Variants in B3GNT2 observed in about 807,000 individuals in gnomAD.
B3GNT2 encodes the protein N-acetyllactosaminide beta-1,3-N-acetylglucosaminyltransferase 2.
A neutral mutation model predicts 27.6 loss-of-function variants in B3GNT2; 12 were observed. The observed-to-expected ratio is 0.44, with a 90% CI of 0.28 to 0.71. B3GNT2 has a LOEUF of 0.71. Among genes scored for constraint, B3GNT2 ranks in the 30% least tolerant of loss-of-function variants. The pLI, the probability that B3GNT2 is intolerant of heterozygous loss-of-function variation, is 0.17. For synonymous variants in B3GNT2, 192 were observed against 189.7 expected (o/e 1.01, Z -0.10); for missense variants, 413 against 488.5 (o/e 0.85, Z 1.46).
intron 1 of B3GNT2, among the ~76,000 whole-genome samples, chr2:62,204,813 C>CTCTT (rs1674340604): frequency 6.6e-6 from 1 of 151,894 alleles, no homozygotes; most frequent in South Asian, 2.1e-4. Flanking sequence ...CTTTTTTTAA[C>CTCTT]TCTTTATAAT....
At chr2:62,211,357 C>T (rs550471533) in intron 1 of B3GNT2, among the ~76,000 whole-genome samples, 1 of 151,996 alleles carries the variant, frequency 6.6e-6, no homozygotes, top group Non-Finnish European at 1.5e-5. Flanking sequence ...CCCTGTCCCC[C>T]CCGTCCCCCC....
Position 62,222,256 on chromosome 2 carries a change from T to G in B3GNT2, c.36T>G (p.Gly12=), listed in dbSNP as rs751845997. The change falls in exon 2 of 2, where the codon GGT becomes GGG. Residue 12 remains glycine, a synonymous_variant. Transcript: ENST00000301998. The surrounding 1 kb of genome is among the most constrained non-coding windows in gnomAD (Gnocchi z 4.2). ...SVGRRRIKLL[G]ILMMANVFIY... Reference sequence around the variant, plus strand: ...GACGTCGAAGAATAAAGTTGTTGGGTATCCTGATGATGGCAAATGTCTTCA... The same window carrying G: ...GACGTCGAAGAATAAAGTTGTTGGGGATCCTGATGATGGCAAATGTCTTCA... 1.9e-6 allele frequency: 3 copies of G among 1,611,298 alleles called. No individual in the cohort carries two copies. The highest frequency in any genetic ancestry group is 2.5e-6 in the Non-Finnish European group (3 of 1,179,086).
chr2:62,212,297 C>T (rs1319119092), intron 1 of B3GNT2, among the ~76,000 whole-genome samples: 1 of 152,122 alleles, frequency 6.6e-6, no homozygotes, highest in African/African-American at 2.4e-5. Context: ...GCTCTGGCAT[C>T]GGTGGTACCA....
Position 62,223,620 on chromosome 2 carries a change from C to CA in B3GNT2, c.*207dup, listed in dbSNP as rs1674767889. 1.8e-6 allele frequency: 1 copy of CA among 542,594 alleles called. No homozygotes were observed. The highest frequency in any genetic ancestry group is 3.3e-6 in the Non-Finnish European group (1 of 299,616). 33.6% of individuals were successfully genotyped at this position (542,594 alleles called of 1,614,324 possible). Reference sequence around the variant, plus strand: ...TAATTTTTTTTTATGGATGATATGGCAGGATGATTGGTTCTGATCTTACCG... The same window carrying CA: ...TAATTTTTTTTTATGGATGATATGGCAAGGATGATTGGTTCTGATCTTACCG... On this transcript the variant is annotated 3_prime_UTR_variant, in exon 2 of 2. Transcript: ENST00000301998.
At position 62,223,252 on chromosome 2, in the gene B3GNT2, C is replaced by A; in HGVS notation, c.1032C>A (p.Gly344=). Residue 344 remains glycine (G), a synonymous_variant, in exon 2 of 2, where the codon GGC becomes GGA. Transcript: ENST00000301998. ...CTGGAATGTGCCTTCAGAAACTCGG[C>A]CTCGTTCCAGAGAAACACAAAGGCT... ...VYTGMCLQKL[G]LVPEKHKGFR... 1.2e-6 allele frequency: 2 copies of A among 1,614,140 alleles called. No homozygotes were observed. The highest frequency in any genetic ancestry group is 2.2e-5 in the South Asian group (2 of 91,074).
Position 62,222,836 on chromosome 2 carries a change from C to T in B3GNT2, c.616C>T (p.Gln206Ter). The T allele has an allele frequency of 6.2e-7, 1 of 1,614,144 alleles. No individual in the cohort carries two copies. Among genetic ancestry groups the T allele is most frequent in the Non-Finnish European group, 8.5e-7 (1 of 1,180,038 alleles). ...GCTGAAATTTGAGAGTGAGAAGCAC[C>T]AAGACATTCTTATGTGGAACTACAG... ...DMLKFESEKHQDILMWNYRDT... is the reference protein window; with the variant it reads ...DMLKFESEKH The change falls in exon 2 of 2, where the codon CAA becomes TAA. Residue 206 changes from glutamine to a stop codon, truncating the protein, a stop_gained. Coordinates refer to ENST00000301998, the MANE Select transcript of B3GNT2 (RefSeq NM_006577.6). LOFTEE classifies it high-confidence loss of function. The surrounding 1 kb of genome is among the most constrained non-coding windows in gnomAD (Gnocchi z 4.2).
intron 1 of B3GNT2, among the ~76,000 whole-genome samples, chr2:62,200,983 T>C (rs564366036): frequency 6.6e-6 from 1 of 152,320 alleles, no homozygotes; most frequent in East Asian, 1.9e-4. Context: ...ACTTGTAAAA[T>C]GGGGAAGATA....
At chr2:62,211,934 A>G (rs2104199933) in intron 1 of B3GNT2, among the ~76,000 whole-genome samples, 1 of 152,342 alleles carries the variant, frequency 6.6e-6, no homozygotes, top group South Asian at 2.1e-4. Context: ...AATTCAGTGT[A>G]TAGGACCCAT....
intron 1 of B3GNT2, among the ~76,000 whole-genome samples, chr2:62,214,112 C>T (rs1475640078): frequency 6.6e-6 from 1 of 152,116 alleles, no homozygotes; most frequent in Non-Finnish European, 1.5e-5. Flanking sequence ...GTGATGAAAC[C>T]CTGAGTTCAA....
chr2:62,220,706 A>G (rs1043196917), intron 1 of B3GNT2, among the ~76,000 whole-genome samples: 1 of 152,156 alleles, frequency 6.6e-6, no homozygotes, highest in Non-Finnish European at 1.5e-5. Context: ...GGGAATGAGT[A>G]ATAGTACCTA....
At chr2:62,210,351 A>T (rs760289116) in intron 1 of B3GNT2, among the ~76,000 whole-genome samples, 12 of 152,222 alleles carry the variant, frequency 7.9e-5, no homozygotes, top group Non-Finnish European at 1.6e-4. Flanking sequence ...ATTAAATGAG[A>T]TGAGAACATC....
intron 1 of B3GNT2, among the ~76,000 whole-genome samples, chr2:62,207,992 A>G (rs751242813): frequency 7.2e-5 from 11 of 152,306 alleles, no homozygotes; most frequent in Middle Eastern, 3.4e-3. Context: ...AGTGGAACTA[A>G]GTGGTGGGGA....
intron 1 of B3GNT2, among the ~76,000 whole-genome samples, chr2:62,211,856 C>T (rs1451732789): frequency 1.3e-5 from 2 of 152,202 alleles, no homozygotes; most frequent in Admixed American, 6.5e-5. Context: ...CTGTTGGAAG[C>T]CCCACTAAGG....
intron 1 of B3GNT2, among the ~76,000 whole-genome samples, chr2:62,199,844 C>A (rs1433286220): frequency 6.6e-6 from 1 of 152,194 alleles, no homozygotes; most frequent in Non-Finnish European, 1.5e-5. Flanking sequence ...TGAATACATT[C>A]CTCTCTCTGG....
intron 1 of B3GNT2, among the ~76,000 whole-genome samples, chr2:62,219,322 C>T (rs1484301913): frequency 2.6e-5 from 4 of 152,156 alleles, no homozygotes; most frequent in African/African-American, 9.7e-5. Context: ...ATAGTATGTG[C>T]TGTTTTTTCC....
chr2:62,219,255 C>G (rs1674636146), intron 1 of B3GNT2, among the ~76,000 whole-genome samples: 1 of 152,140 alleles, frequency 6.6e-6, no homozygotes. Flanking sequence ...TGGTAAAGGT[C>G]TATTAATGTT....
intron 1 of B3GNT2, among the ~76,000 whole-genome samples, chr2:62,200,918 G>A (rs553453235): frequency 2.6e-5 from 4 of 152,244 alleles, no homozygotes; most frequent in Admixed American, 6.5e-5. Flanking sequence ...TCTCAGTTAC[G>A]TATGGGAATG....
intron 1 of B3GNT2, among the ~76,000 whole-genome samples, chr2:62,203,622 G>A (rs956096030): frequency 6.6e-6 from 1 of 152,110 alleles, no homozygotes; most frequent in African/African-American, 2.4e-5. Flanking sequence ...AGGGGGATTG[G>A]GAGGGTCAAG....
intron 1 of B3GNT2, among the ~76,000 whole-genome samples, chr2:62,216,900 G>C (rs1301615326): frequency 1.3e-5 from 2 of 152,358 alleles, no homozygotes; most frequent in Middle Eastern, 6.8e-3. Flanking sequence ...TCTTTCCCAT[G>C]TTCCAGTACA....
Sources: allele counts gnomAD v4.1 joint callset (sites outside exome capture counted in the v4.1 genomes callset), GRCh38; gene constraint gnomAD v4.1.1; non-coding constraint Gnocchi (gnomAD v3.1); transcripts MANE v1.5; gene names NCBI Gene and HGNC (gene_info 2026-07-23, HGNC 2026-07-21).